Variants in AKR1B10 observed in about 807,000 individuals in gnomAD.
AKR1B10 encodes aldo-keto reductase family 1 member B10, also known as ARP.
In AKR1B10, 39 loss-of-function variants were observed where a neutral mutation model predicts 38.9. That is an observed-to-expected ratio of 1.00 (90% CI 0.78 to 1.31). The LOEUF is 1.31. AKR1B10 is among the 50% of genes most tolerant of loss of function. The pLI is 0.00. For missense variants in AKR1B10, 361 were observed against 382.6 expected (o/e 0.94, Z 0.47); for synonymous variants, 148 against 141.2 (o/e 1.05, Z -0.34).
At chr7:134,539,143 T>C in intron 9 of AKR1B10, 126 bp downstream of exon 9, 3 of 1,175,942 alleles carry the variant, frequency 2.6e-6, no homozygotes, top group Non-Finnish European at 3.6e-6. Flanking sequence ...GGGGCAATTT[T>C]GAAAGTTAAA....
At chr7:134,539,786 T>TC (rs1434743632) in intron 9 of AKR1B10, among the ~76,000 whole-genome samples, 1 of 152,200 alleles carries the variant, frequency 6.6e-6, no homozygotes, top group Non-Finnish European at 1.5e-5. Flanking sequence ...CTAAATCATC[T>TC]CTTTACAAGC....
At chr7:134,532,105 T>C in intron 3 of AKR1B10, 81 bp downstream of exon 3, 1 of 1,545,770 alleles carries the variant, frequency 6.5e-7, no homozygotes, top group Non-Finnish European at 8.9e-7. Context: ...TGTGGGGTGG[T>C]GTGGACTGGG....
chr7:134,530,658 G>C lies in AKR1B10; in HGVS notation c.82G>C (p.Val28Leu), dbSNP rs1297931009. 1 of 1,614,054 alleles carries C rather than the reference G, an allele frequency of 6.2e-7. No homozygotes were observed. Among genetic ancestry groups the C allele is most frequent in the Non-Finnish European group, 8.5e-7 (1 of 1,179,940 alleles). Reference protein sequence around the residue: ...LGTWKSPLGKVKEAVKVAIDA... With the variant: ...LGTWKSPLGKLKEAVKVAIDA... ...TGCCTTTCAGTCTCCTCTTGGCAAA[G>C]TGAAAGAAGCAGTGAAGGTGGCCAT... is the stretch of plus-strand genomic sequence containing the variant. Residue 28 changes from valine (V) to leucine (L), a missense_variant, in exon 2 of 10, where the codon GTG (valine) becomes CTG (leucine). Transcript: ENST00000359579.
intron 9 of AKR1B10, 178 bp downstream of exon 9, chr7:134,539,195 T>C: frequency 1.5e-6 from 1 of 662,124 alleles, no homozygotes; most frequent in East Asian, 2.8e-5. Context: ...ACATCTCTAA[T>C]TGCTGCTCAT....
In AKR1B10 at chr7:134,531,249, T is replaced by C. The variant is rs540362787; in HGVS notation, c.234+439T>C. On this transcript the variant is annotated intron_variant, in intron 2 of 9. Transcript: ENST00000359579. ...AGGGGCATTTTTCTATTGTCACATA[T>C]GAATTTCTTTATTCATTCTAGTAAA... Among the ~76,000 whole-genome samples the C allele has an allele frequency of 5.1e-4, 78 of 152,316 alleles. No individual in the cohort carries two copies. The South Asian group carries it at 0.015, about 29-fold the overall frequency.
intron 4 of AKR1B10, among the ~76,000 whole-genome samples, chr7:134,535,424 C>G (rs1807968380): frequency 1.3e-5 from 2 of 152,012 alleles, no homozygotes; most frequent in South Asian, 4.2e-4. Context: ...GCCACTGCAT[C>G]CAGCCAGTAT....
chr7:134,539,616 A>T (rs974814975), intron 9 of AKR1B10, among the ~76,000 whole-genome samples: 1 of 152,220 alleles, frequency 6.6e-6, no homozygotes, highest in African/African-American at 2.4e-5. Context: ...GCAGGTGCAA[A>T]GTCCCTGAGG....
At position 134,537,122 on chromosome 7, in the gene AKR1B10, G is replaced by A. The variant is rs568011657; in HGVS notation, c.624G>A (p.Thr208=). The A allele has an allele frequency of 6.3e-5, 101 of 1,597,474 alleles. 1 individual carries two copies. In the Middle Eastern group the frequency reaches 8.3e-4, roughly 13 times the overall value. Residue 208 remains threonine, a synonymous_variant, in exon 6 of 10, where the codon ACG becomes ACA. Transcript: ENST00000359579. ...QYCHSKGITV[T]AYSPLGSPDR... is the part of the protein sequence containing the mutation. ...GCCACTCCAAGGGCATCACCGTTAC[G>A]GCCTACAGCCCCCTGGGCTCTCCGG...
At position 134,532,984 on chromosome 7, in the gene AKR1B10, T is replaced by G. The variant is rs1807902042; in HGVS notation, c.352-20T>G. On this transcript the variant is annotated intron_variant, in intron 3 of 9. Transcript: ENST00000359579. ...TGTCCTGATGCAGATTCCAGTAAAC[T>G]TTTCATTCTGTGTTCACAGTCTGGG... The G allele has an allele frequency of 2.5e-6, 4 of 1,594,678 alleles. No individual in the cohort carries two copies. The African/African-American group carries it at 4.1e-5, about 16-fold the overall frequency.
chr7:134,530,246 C>A (rs1387701745), intron 1 of AKR1B10, among the ~76,000 whole-genome samples: 6 of 152,182 alleles, frequency 3.9e-5, no homozygotes, highest in African/African-American at 1.4e-4. Context: ...GAGCGGTCTG[C>A]ACCCCCACAC....
At chr7:134,538,049 A>T (rs942653756) in intron 7 of AKR1B10, 145 bp from the exon 8 acceptor site, 12 of 795,110 alleles carry the variant, frequency 1.5e-5, no homozygotes, top group African/African-American at 1.4e-4. Flanking sequence ...GGTCTGGCAC[A>T]AGTCTAATAG....
chr7:134,538,172 C>A (rs764311090), intron 7 of AKR1B10, 22 bp from the exon 8 acceptor site: 45 of 1,608,614 alleles, frequency 2.8e-5, no homozygotes, highest in Middle Eastern at 1.7e-4. Context: ...GAGTGGAAGC[C>A]TGATGTCCCC....
intron 9 of AKR1B10, 125 bp from the exon 10 acceptor site, chr7:134,540,922 G>T (rs113113458): frequency 2.8e-6 from 2 of 707,990 alleles, no homozygotes; most frequent in African/African-American, 1.8e-5. Context: ...TTATGTTCTT[G>T]CAGGGAGGAG....
At chr7:134,538,645 G>C (rs893415858) in intron 8 of AKR1B10, among the ~76,000 whole-genome samples, 6 of 152,172 alleles carry the variant, frequency 3.9e-5, no homozygotes, top group Admixed American at 1.3e-4. Flanking sequence ...CCTTGGAGAA[G>C]TGTCCTCTAG....
At chr7:134,528,029 G>A (rs1807735149) in intron 1 of AKR1B10, 52 bp downstream of exon 1, 1 of 1,602,566 alleles carries the variant, frequency 6.2e-7, no homozygotes, top group South Asian at 1.1e-5. Flanking sequence ...GCGTTTGGGT[G>A]TTTTCTCTTT....
chr7:134,539,185 A>C, intron 9 of AKR1B10, 168 bp downstream of exon 9: 1 of 703,986 alleles, frequency 1.4e-6, no homozygotes, highest in Non-Finnish European at 2.4e-6. Context: ...TGTGAGGGAC[A>C]CATCTCTAAT....
intron 1 of AKR1B10, 51 bp downstream of exon 1, chr7:134,528,028 T>C: frequency 6.2e-7 from 1 of 1,602,516 alleles, no homozygotes; most frequent in Non-Finnish European, 8.5e-7. Context: ...GGCGTTTGGG[T>C]GTTTTCTCTT....
chr7:134,528,567 TA>T (rs754455434), intron 1 of AKR1B10, among the ~76,000 whole-genome samples: 1 of 152,048 alleles, frequency 6.6e-6, no homozygotes, highest in Non-Finnish European at 1.5e-5. Flanking sequence ...CTACAAAAAA[TA>T]AATAAATTTT....
At chr7:134,535,125 C>T (rs79425213) in intron 4 of AKR1B10, among the ~76,000 whole-genome samples, 3,682 of 152,190 alleles carry the variant, frequency 0.024, 88 homozygotes, top group South Asian at 0.1. Flanking sequence ...AGGCACATGC[C>T]GCCACATCCA....
Sources: allele counts gnomAD v4.1 joint callset (sites outside exome capture counted in the v4.1 genomes callset), GRCh38; gene constraint gnomAD v4.1.1; transcripts MANE v1.5; gene names NCBI Gene and HGNC (gene_info 2026-07-23, HGNC 2026-07-21).